LRMDA: variants seen among roughly 807,000 people sequenced by gnomAD.
The protein encoded by LRMDA is leucine-rich melanocyte differentiation-associated protein.
A neutral mutation model predicts 29.8 loss-of-function variants in LRMDA; 18 were observed. The observed-to-expected ratio is 0.60, with a 90% CI of 0.42 to 0.90. The LOEUF is 0.90. LRMDA is among the 40% of genes least tolerant of loss of function. The pLI, the probability that LRMDA is intolerant of heterozygous loss-of-function variation, is 0.00. For missense variants in LRMDA, 273 were observed against 273.9 expected (o/e 1.00, Z 0.02); for synonymous variants, 125 against 109.4 (o/e 1.14, Z -0.89).
chr10:75,595,538 T>A (rs191007258), intron 2 of LRMDA, among the ~76,000 whole-genome samples: 3 of 149,862 alleles, frequency 2.0e-5, no homozygotes, highest in Non-Finnish European at 1.5e-5. Context: ...ATGTATATTA[T>A]GAGTATGTAT....
In LRMDA at chr10:75,732,769, C is replaced by G. The variant is rs772836193; in HGVS notation, c.131+294275C>G. Among the ~76,000 whole-genome samples the G allele has an allele frequency of 2.6e-5, 4 of 152,178 alleles. No individual in the cohort carries two copies. The East Asian group carries it at 7.7e-4, about 29-fold the overall frequency. ...TGGTTGACTTTTGTAGGATGGCTTA[C>G]TTTTGATAGAGTTCTGGATACCCAC... On this transcript the variant is annotated intron_variant, in intron 2 of 6. Transcript: ENST00000611255.
At chr10:75,512,528 G>A (rs570153280) in intron 2 of LRMDA, among the ~76,000 whole-genome samples, 2 of 152,286 alleles carry the variant, frequency 1.3e-5, no homozygotes, top group African/African-American at 2.4e-5. Flanking sequence ...GTTGGACCGG[G>A]CTGGTTTGAA....
intron 2 of LRMDA, among the ~76,000 whole-genome samples, chr10:75,548,313 A>G (rs146615689): frequency 1.3e-5 from 2 of 152,292 alleles, no homozygotes; most frequent in Admixed American, 6.5e-5. Context: ...CTTCCCTTGG[A>G]AGAAACAAGC....
intron 6 of LRMDA, among the ~76,000 whole-genome samples, chr10:76,344,398 T>G (rs1841077795): frequency 6.6e-6 from 1 of 152,114 alleles, no homozygotes; most frequent in African/African-American, 2.4e-5. Flanking sequence ...CAAGAATTCT[T>G]GACATTAAGA....
intron 6 of LRMDA, among the ~76,000 whole-genome samples, chr10:76,376,559 T>A (rs979404956): frequency 1.3e-4 from 20 of 152,204 alleles, no homozygotes; most frequent in African/African-American, 4.3e-4. Flanking sequence ...TTAATATAAT[T>A]TTTTTTCCTT....
chr10:76,473,657 A>G (rs1842640367), intron 6 of LRMDA, among the ~76,000 whole-genome samples: 1 of 151,704 alleles, frequency 6.6e-6, no homozygotes, highest in Non-Finnish European at 1.5e-5. Flanking sequence ...TAAAACAAAT[A>G]AATGAGTTCA....
chr10:75,553,457 G>T (rs1250920178), intron 2 of LRMDA, among the ~76,000 whole-genome samples: 2 of 152,168 alleles, frequency 1.3e-5, no homozygotes, highest in South Asian at 2.1e-4. Flanking sequence ...GACTGCTGTT[G>T]CTTATTACTC....
chr10:75,623,610 G>T (rs752590405), intron 2 of LRMDA, among the ~76,000 whole-genome samples: 3 of 152,090 alleles, frequency 2.0e-5, no homozygotes, highest in Non-Finnish European at 4.4e-5. Flanking sequence ...TTATTGTTGT[G>T]GTGTTTTTGG....
chr10:76,011,481 T>C (rs1847779827), intron 2 of LRMDA, among the ~76,000 whole-genome samples: 1 of 152,130 alleles, frequency 6.6e-6, no homozygotes, highest in Non-Finnish European at 1.5e-5. Flanking sequence ...TGTGTGACCA[T>C]GAGCGAGTGG....
chr10:75,485,670 C>T (rs576749189), intron 2 of LRMDA, among the ~76,000 whole-genome samples: 11 of 152,074 alleles, frequency 7.2e-5, no homozygotes, highest in African/African-American at 1.7e-4. Flanking sequence ...CTCCGCCTCC[C>T]GGGTTCAAGC....
intron 2 of LRMDA, among the ~76,000 whole-genome samples, chr10:75,989,569 T>C (rs1011023304): frequency 2.0e-5 from 3 of 152,208 alleles, no homozygotes; most frequent in African/African-American, 7.2e-5. Context: ...ACACGAGATT[T>C]TGTGGGGACA....
intron 2 of LRMDA, among the ~76,000 whole-genome samples, chr10:75,913,870 C>T (rs1363850052): frequency 6.6e-6 from 1 of 152,150 alleles, no homozygotes; most frequent in Non-Finnish European, 1.5e-5. Flanking sequence ...AGCAGGCTCC[C>T]ATTTGCTTAT....
chr10:75,618,105 A>G (rs1470992598), intron 2 of LRMDA, among the ~76,000 whole-genome samples: 1 of 152,108 alleles, frequency 6.6e-6, no homozygotes, highest in Non-Finnish European at 1.5e-5. Context: ...CTGCTCTTGT[A>G]TTGCTGTCTT....
intron 5 of LRMDA, among the ~76,000 whole-genome samples, chr10:76,132,371 G>T (rs981185719): frequency 2.0e-5 from 3 of 152,102 alleles, no homozygotes; most frequent in Non-Finnish European, 4.4e-5. Flanking sequence ...CTTCTTAGAT[G>T]TCAGCTCATT....
intron 2 of LRMDA, among the ~76,000 whole-genome samples, chr10:75,482,477 C>G (rs1194047665): frequency 6.6e-6 from 1 of 152,186 alleles, no homozygotes. Flanking sequence ...TCAATAGCCA[C>G]TATAGTTGCA....
intron 2 of LRMDA, among the ~76,000 whole-genome samples, chr10:75,789,703 T>C (rs1843533380): frequency 6.6e-6 from 1 of 152,228 alleles, no homozygotes; most frequent in Non-Finnish European, 1.5e-5. Context: ...CTCCCAACTA[T>C]ATTGAACATT....
At chr10:75,764,344 CTG>C (rs1296935210) in intron 2 of LRMDA, among the ~76,000 whole-genome samples, 1 of 152,198 alleles carries the variant, frequency 6.6e-6, no homozygotes, top group African/African-American at 2.4e-5. Flanking sequence ...GCATTCTAAA[CTG>C]TGGTTGAGCT....
chr10:75,478,758 G>A (rs1302594699), intron 2 of LRMDA, among the ~76,000 whole-genome samples: 1 of 152,136 alleles, frequency 6.6e-6, no homozygotes, highest in Non-Finnish European at 1.5e-5. Flanking sequence ...TTTTTACAAG[G>A]TATGGAGATA....
At chr10:75,887,349 G>A (rs7099048) in intron 2 of LRMDA, among the ~76,000 whole-genome samples, 58,840 of 151,736 alleles carry the variant, frequency 0.39, 13,268 homozygotes, top group South Asian at 0.5. Flanking sequence ...CAAATATATT[G>A]GTACACGCAC....
Sources: allele counts gnomAD v4.1 joint callset (sites outside exome capture counted in the v4.1 genomes callset), GRCh38; gene constraint gnomAD v4.1.1; transcripts MANE v1.5; gene names NCBI Gene and HGNC (gene_info 2026-07-23, HGNC 2026-07-21).